ARL5B: variants seen among roughly 807,000 people sequenced by gnomAD.
ARL5B encodes the protein ARF like GTPase 5B.
Under a neutral mutation model 26.9 loss-of-function variants are expected in ARL5B, and 10 were observed. That is an observed-to-expected ratio of 0.37 (90% confidence interval 0.23 to 0.63). The LOEUF (loss-of-function observed/expected upper bound fraction) is 0.63, where lower values mean the gene tolerates loss of function less well. ARL5B is among the 30% of genes least tolerant of loss of function. The probability of loss-of-function intolerance (pLI) is 0.62; values close to 1 mark genes in which losing one functional copy is unlikely to be tolerated. For synonymous variants in ARL5B, 87 were observed against 70.4 expected (o/e 1.24, Z -1.18); for missense variants, 167 against 213.9 (o/e 0.78, Z 1.37).
intron 2 of ARL5B, 137 bp downstream of exon 2, chr10:18,666,772 G>T (rs17623007): frequency 3.1e-6 from 2 of 642,152 alleles, no homozygotes; most frequent in African/African-American, 1.9e-5. Flanking sequence ...TAATTTTACC[G>T]AACACAATCT....
chr10:18,659,604 C>T lies in ARL5B; in HGVS notation c.-34C>T, dbSNP rs2059817097. On this transcript the variant is annotated 5_prime_UTR_variant, in exon 1 of 6. Coordinates refer to ENST00000377275, the MANE Select transcript of ARL5B (RefSeq NM_178815.5). ...GGACCCGGCGCAGCGGCACCTGCTG[C>T]CGAGGGACCCCGCGGCCCGCCCCGG... The T allele has an allele frequency of 6.2e-7, 1 of 1,601,812 alleles. No individual in the cohort carries two copies. Among genetic ancestry groups the T allele is most frequent in the East Asian group, 2.3e-5 (1 of 43,878 alleles).
rs764661008 is a variant in ARL5B at position 18,672,233 on chromosome 10, GT to G, written c.256-386del. Among the ~76,000 whole-genome samples, 234 of 152,286 alleles carry G rather than the reference GT, an allele frequency of 1.5e-3. 2 individuals carry two copies. The highest frequency in any genetic ancestry group is 2.7e-3 in the Non-Finnish European group (182 of 68,022). On this transcript the variant is annotated intron_variant, in intron 3 of 5. Coordinates refer to ENST00000377275, the MANE Select transcript of ARL5B (RefSeq NM_178815.5). ...ATACACAAGTAAGCAATTATTGACT[GT>G]TTAGATGAATGATAATGGAGTACTT...
At chr10:18,668,422 TCAC>T (rs2059871214) in intron 2 of ARL5B, 105 bp from the exon 3 acceptor site, 3 of 1,154,224 alleles carry the variant, frequency 2.6e-6, no homozygotes, top group Non-Finnish European at 3.7e-6. Flanking sequence ...ATGCTAATGA[TCAC>T]CATCATTGGT....
intron 1 of ARL5B, among the ~76,000 whole-genome samples, chr10:18,665,463 GC>G (rs1400231059): frequency 6.6e-6 from 1 of 152,126 alleles, no homozygotes; most frequent in African/African-American, 2.4e-5. Flanking sequence ...ACTGTAATAG[GC>G]TGTATCTAGA....
At chr10:18,672,198 A>T (rs917302014) in intron 3 of ARL5B, among the ~76,000 whole-genome samples, 2 of 152,212 alleles carry the variant, frequency 1.3e-5, no homozygotes, top group Non-Finnish European at 1.5e-5. Context: ...AAGAGTTAGG[A>T]GATTGTGGTA....
Position 18,679,355 on chromosome 10 carries a change from CTA to C in ARL5B, c.*4142_*4143del, listed in dbSNP as rs1384309202. 6.6e-6 allele frequency: 1 copy of C among 151,864 alleles called. No homozygotes were observed. Among genetic ancestry groups the C allele is most frequent in the Non-Finnish European group, 1.5e-5 (1 of 67,816 alleles). 9.4% of individuals were successfully genotyped at this position (151,864 alleles called of 1,614,324 possible). ...TATTGCCGTTTGATGCCACCCCAGT[CTA>C]TAGTTCTGTGTGACTTTCCATATTG... On this transcript the variant is annotated 3_prime_UTR_variant, in exon 6 of 6. Coordinates refer to ENST00000377275, the MANE Select transcript of ARL5B (RefSeq NM_178815.5).
At chr10:18,668,046 GTCA>G (rs1172915671) in intron 2 of ARL5B, among the ~76,000 whole-genome samples, 1 of 152,020 alleles carries the variant, frequency 6.6e-6, no homozygotes, top group Non-Finnish European at 1.5e-5. Context: ...CTTGCCCATG[GTCA>G]TCTTTTTAGG....
At chr10:18,674,243 C>T in intron 5 of ARL5B, 108 bp downstream of exon 5, 2 of 1,077,508 alleles carry the variant, frequency 1.9e-6, no homozygotes, top group Non-Finnish European at 2.5e-6. Flanking sequence ...TTTGTTTGTT[C>T]TTAATTAAAG....
chr10:18,673,612 A>G (rs10829186), intron 4 of ARL5B, among the ~76,000 whole-genome samples: 21,241 of 152,152 alleles, frequency 0.14, 1,863 homozygotes, highest in East Asian at 0.31. Context: ...ATGTTATACA[A>G]AGACTAGTAA....
Position 18,679,275 on chromosome 10 carries a change from C to T in ARL5B, c.*4059C>T, listed in dbSNP as rs898227139. 3 of 151,860 alleles carry T rather than the reference C, an allele frequency of 2.0e-5. No individual in the cohort carries two copies. Among genetic ancestry groups the T allele is most frequent in the Admixed American group, 6.6e-5 (1 of 15,236 alleles). 9.4% of individuals were successfully genotyped at this position (151,860 alleles called of 1,614,324 possible). ...AAATAATTCTCTTCTAGATAATTTACCTTATTTTCTTGGCTTGTACTAATT... is the reference window on the plus strand; with the variant it reads ...AAATAATTCTCTTCTAGATAATTTATCTTATTTTCTTGGCTTGTACTAATT... On this transcript the variant is annotated 3_prime_UTR_variant, in exon 6 of 6. Transcript: ENST00000377275.
intron 1 of ARL5B, 49 bp from the exon 2 acceptor site, chr10:18,666,526 G>T (rs759427637): frequency 1.4e-6 from 2 of 1,411,806 alleles, no homozygotes; most frequent in East Asian, 2.4e-5. Context: ...GCATGTAATT[G>T]CAGTAATGCA....
intron 4 of ARL5B, 38 bp from the exon 5 acceptor site, chr10:18,673,946 G>T: frequency 6.4e-7 from 1 of 1,552,146 alleles, no homozygotes; most frequent in Non-Finnish European, 8.7e-7. Flanking sequence ...TTAAATTGTG[G>T]TATTTCACAT....
intron 3 of ARL5B, among the ~76,000 whole-genome samples, chr10:18,671,152 A>G (rs1271799339): frequency 1.3e-5 from 2 of 151,870 alleles, no homozygotes; most frequent in Non-Finnish European, 2.9e-5. Flanking sequence ...TTATATTCAG[A>G]TTAGTTGTCT....
rs970896279 is a variant in ARL5B, at chr10:18,681,258, C to A, written c.*6042C>A. On this transcript the variant is annotated 3_prime_UTR_variant, in exon 6 of 6. Coordinates refer to ENST00000377275, the MANE Select transcript of ARL5B (RefSeq NM_178815.5). ...TGGTCCAATATATAAGCATTAACAACAACAACAAAAAATTTAAAACAAGTA... is the reference window on the plus strand; with the variant it reads ...TGGTCCAATATATAAGCATTAACAAAAACAACAAAAAATTTAAAACAAGTA... 1 of 152,092 alleles carries A rather than the reference C, an allele frequency of 6.6e-6. No homozygotes were observed. The highest frequency in any genetic ancestry group is 2.4e-5 in the African/African-American group (1 of 41,420). 9.4% of individuals were successfully genotyped at this position (152,092 alleles called of 1,614,324 possible).
intron 4 of ARL5B, 32 bp downstream of exon 4, chr10:18,672,737 G>C: frequency 4.0e-6 from 6 of 1,494,618 alleles, no homozygotes; most frequent in South Asian, 1.2e-5. Context: ...TTAAAAAACA[G>C]TGTAGTAAAG....
chr10:18,660,811 A>G (rs1395886404), intron 1 of ARL5B, among the ~76,000 whole-genome samples: 2 of 152,206 alleles, frequency 1.3e-5, no homozygotes, highest in Admixed American at 6.5e-5. Context: ...AGAGCTTCAC[A>G]CTTTGTGGGT....
intron 3 of ARL5B, among the ~76,000 whole-genome samples, chr10:18,669,089 G>A (rs2059875285): frequency 6.6e-6 from 1 of 151,912 alleles, no homozygotes; most frequent in Non-Finnish European, 1.5e-5. Flanking sequence ...ATCCTTTTTT[G>A]TAGGGAATTT....
chr10:18,663,113 A>G (rs1337675830), intron 1 of ARL5B, among the ~76,000 whole-genome samples: 1 of 151,994 alleles, frequency 6.6e-6, no homozygotes, highest in Non-Finnish European at 1.5e-5. Flanking sequence ...AGTTCAAGCA[A>G]TTCTCCTGCC....
At position 18,673,743 on chromosome 10, in the gene ARL5B, A is replaced by G. The variant is rs1290156914; in HGVS notation, c.340-241A>G. ...ATTAATTATGTATTTTTGAGTCAGT[A>G]TTTAAAATTCAGGTGTATTTTTTTT... is the stretch of plus-strand genomic sequence containing the variant. On this transcript the variant is annotated intron_variant, in intron 4 of 5. Transcript: ENST00000377275. Among the ~76,000 whole-genome samples the G allele has an allele frequency of 3.9e-5, 6 of 151,996 alleles. No homozygotes were observed. In the South Asian group the frequency reaches 1.2e-3, roughly 32 times the overall value.
Sources: allele counts gnomAD v4.1 joint callset (sites outside exome capture counted in the v4.1 genomes callset), GRCh38; gene constraint gnomAD v4.1.1; transcripts MANE v1.5; gene names NCBI Gene and HGNC (gene_info 2026-07-23, HGNC 2026-07-21).